IGSF21: variants seen among roughly 807,000 people sequenced by gnomAD.
IGSF21 encodes the protein immunoglobin superfamily member 21, also known as immunoglobulin superfamily member 21.
In IGSF21, 28 loss-of-function variants were observed where a neutral mutation model predicts 46.8. That is an observed-to-expected ratio of 0.60 (90% CI 0.44 to 0.82). The LOEUF (loss-of-function observed/expected upper bound fraction) is 0.82, where lower values mean the gene tolerates loss of function less well. Ranked by LOEUF, IGSF21 falls within the 40% of genes least tolerant of loss-of-function variation. The probability of loss-of-function intolerance (pLI) is 0.00; values close to 1 mark genes in which losing one functional copy is unlikely to be tolerated. For synonymous variants in IGSF21, 284 were observed against 273.6 expected (o/e 1.04, Z -0.38); for missense variants, 624 against 665.5 (o/e 0.94, Z 0.69).
rs545702718 is a variant in IGSF21, at chr1:18,207,342, C to T, written c.71-20556C>T. On this transcript the variant is annotated intron_variant, in intron 1 of 9. Transcript: ENST00000251296. ...AGGTCAAGGGTGTCATGTAACATTA[C>T]ATGATCATGGAGTGATAACCCATCA... Among the ~76,000 whole-genome samples the T allele has an allele frequency of 4.7e-4, 71 of 152,304 alleles. 1 individual carries two copies. Among genetic ancestry groups the T allele is most frequent in the Admixed American group, 3.0e-3 (46 of 15,300 alleles).
At position 18,362,236 on chromosome 1, in the gene IGSF21, T is replaced by C. The variant is rs565337615; in HGVS notation, c.540+6T>C. On this transcript the variant is annotated splice_donor_region_variant and intron_variant, in intron 5 of 9. Coordinates refer to ENST00000251296, the MANE Select transcript of IGSF21 (RefSeq NM_032880.5). Reference sequence around the variant, plus strand: ...GAGGAAAACCAGCACCCATGGTGAGTACCCCTGGAGTGCCCAGCTCCTTCC... The same window carrying C: ...GAGGAAAACCAGCACCCATGGTGAGCACCCCTGGAGTGCCCAGCTCCTTCC... 1 of 1,600,190 alleles carries C rather than the reference T, an allele frequency of 6.2e-7. No homozygotes were observed. Among genetic ancestry groups the C allele is most frequent in the South Asian group, 1.1e-5 (1 of 89,138 alleles).
At chr1:18,155,295 T>C (rs1294515181) in intron 1 of IGSF21, among the ~76,000 whole-genome samples, 1 of 152,170 alleles carries the variant, frequency 6.6e-6, no homozygotes, top group Non-Finnish European at 1.5e-5. Context: ...GCATGGAAGC[T>C]GTCCCATGAG....
At chr1:18,363,999 A>G (rs938822229) in intron 5 of IGSF21, among the ~76,000 whole-genome samples, 1 of 152,272 alleles carries the variant, frequency 6.6e-6, no homozygotes, top group Non-Finnish European at 1.5e-5. Flanking sequence ...AAATCAGGAA[A>G]GCTGTTTTTT....
chr1:18,181,442 T>C (rs1176019536), intron 1 of IGSF21, among the ~76,000 whole-genome samples: 2 of 152,172 alleles, frequency 1.3e-5, no homozygotes, highest in Non-Finnish European at 2.9e-5. Flanking sequence ...TGTGTGATGA[T>C]AATAATAAGG....
At chr1:18,298,330 A>G (rs755784765) in intron 3 of IGSF21, among the ~76,000 whole-genome samples, 1 of 152,194 alleles carries the variant, frequency 6.6e-6, no homozygotes, top group Non-Finnish European at 1.5e-5. Flanking sequence ...ACTTCCAGGT[A>G]TAAAGTATTC....
At chr1:18,139,083 A>G (rs1440996240) in intron 1 of IGSF21, among the ~76,000 whole-genome samples, 1 of 152,246 alleles carries the variant, frequency 6.6e-6, no homozygotes, top group Admixed American at 6.5e-5. Flanking sequence ...TCTTGGGTGC[A>G]GAGTCCATAT....
intron 2 of IGSF21, among the ~76,000 whole-genome samples, chr1:18,273,485 T>TTTC (rs1195854184): frequency 9.9e-6 from 1 of 100,918 alleles, no homozygotes; most frequent in Non-Finnish European, 2.0e-5. Context: ...TCTTTCTTTC[T>TTTC]TTCTTTCTTT....
intron 1 of IGSF21, among the ~76,000 whole-genome samples, chr1:18,200,036 G>T (rs1207675566): frequency 6.6e-6 from 1 of 152,118 alleles, no homozygotes; most frequent in Non-Finnish European, 1.5e-5. Flanking sequence ...CCCACTCATG[G>T]GTTCTGCTGC....
At chr1:18,178,874 C>G (rs2086830300) in intron 1 of IGSF21, among the ~76,000 whole-genome samples, 1 of 152,230 alleles carries the variant, frequency 6.6e-6, no homozygotes, top group Non-Finnish European at 1.5e-5. Context: ...CTCCGCCCTT[C>G]CTCTCTTTGA....
intron 2 of IGSF21, among the ~76,000 whole-genome samples, chr1:18,291,649 A>G (rs2085268278): frequency 6.6e-6 from 1 of 152,112 alleles, no homozygotes; most frequent in Admixed American, 6.5e-5. Context: ...TTTGCCTAGA[A>G]AACTCCCACC....
chr1:18,217,070 A>G (rs2084456731), intron 1 of IGSF21, among the ~76,000 whole-genome samples: 1 of 152,082 alleles, frequency 6.6e-6, no homozygotes, highest in Admixed American at 6.5e-5. Context: ...CCTGACTGTC[A>G]TGGTCCATCC....
At chr1:18,189,732 G>A (rs1223199251) in intron 1 of IGSF21, among the ~76,000 whole-genome samples, 2 of 152,162 alleles carry the variant, frequency 1.3e-5, no homozygotes, top group Non-Finnish European at 2.9e-5. Flanking sequence ...GATCTGACAG[G>A]AGGTGGAGCT....
chr1:18,149,629 T>G (rs1194646913), intron 1 of IGSF21, among the ~76,000 whole-genome samples: 2 of 150,846 alleles, frequency 1.3e-5, no homozygotes, highest in Non-Finnish European at 2.9e-5. Flanking sequence ...CCTGACAGCT[T>G]GGCCCAATAG....
chr1:18,163,713 G>GC (rs1461205104), intron 1 of IGSF21, among the ~76,000 whole-genome samples: 2 of 152,130 alleles, frequency 1.3e-5, no homozygotes, highest in African/African-American at 2.4e-5. Context: ...GTGGGAAAAG[G>GC]CCCCCCAAGC....
intron 3 of IGSF21, among the ~76,000 whole-genome samples, chr1:18,330,980 T>C (rs1430275250): frequency 4.6e-5 from 7 of 152,252 alleles, no homozygotes; most frequent in African/African-American, 1.7e-4. Context: ...GGTTCACTTC[T>C]GGTGTTCTGC....
At chr1:18,146,144 A>G (rs965109464) in intron 1 of IGSF21, among the ~76,000 whole-genome samples, 1 of 152,200 alleles carries the variant, frequency 6.6e-6, no homozygotes, top group Non-Finnish European at 1.5e-5. Flanking sequence ...CTGTAAGGAA[A>G]CAGGCAGAGA....
chr1:18,170,917 G>C (rs1220902587), intron 1 of IGSF21, among the ~76,000 whole-genome samples: 1 of 152,156 alleles, frequency 6.6e-6, no homozygotes, highest in African/African-American at 2.4e-5. Context: ...GGAGCAGGTG[G>C]ACTTAAGAGG....
chr1:18,307,917 C>T (rs2085442645), intron 3 of IGSF21, among the ~76,000 whole-genome samples: 1 of 152,202 alleles, frequency 6.6e-6, no homozygotes, highest in Admixed American at 6.5e-5. Flanking sequence ...TGCTTCAGAA[C>T]TTACATGCTT....
At chr1:18,158,183 C>T (rs1206140717) in intron 1 of IGSF21, among the ~76,000 whole-genome samples, 1 of 152,088 alleles carries the variant, frequency 6.6e-6, no homozygotes, top group Non-Finnish European at 1.5e-5. Context: ...CCTGTCATTC[C>T]ATCCCCCGCC....
Sources: gnomAD v4.1 joint callset for allele counts (sites outside exome capture counted in the v4.1 genomes callset) on GRCh38, gnomAD v4.1.1 for gene constraint, MANE v1.5 for transcripts, NCBI Gene and HGNC (gene_info 2026-07-23, HGNC 2026-07-21) for gene names.